The following TRPM3 variants were observed in gnomAD, a reference collection of about 807,000 sequenced individuals.
TRPM3 encodes long transient receptor potential channel 3.
TRPM3 carries 77 observed loss-of-function variants against 181.2 expected under a neutral mutation model. The ratio of observed to expected loss-of-function variants is 0.42; its 90% confidence interval spans 0.35 to 0.51. TRPM3 has a LOEUF of 0.51. Ranked by LOEUF, TRPM3 falls within the 20% of genes least tolerant of loss-of-function variation. The probability of loss-of-function intolerance (pLI) is 0.01; values close to 1 mark genes in which losing one functional copy is unlikely to be tolerated. For synonymous variants in TRPM3, 745 were observed against 796.4 expected (o/e 0.94, Z 1.09); for missense variants, 1,759 against 2,196.7 (o/e 0.80, Z 3.98).
intron 1 of TRPM3, among the ~76,000 whole-genome samples, chr9:71,087,809 G>A (rs567240372): frequency 6.6e-6 from 1 of 151,996 alleles, no homozygotes; most frequent in Non-Finnish European, 1.5e-5. Context: ...AACTAATAAC[G>A]GACTTCAGCA....
At chr9:71,016,815 C>G (rs1226509837) in intron 1 of TRPM3, among the ~76,000 whole-genome samples, 1 of 152,072 alleles carries the variant, frequency 6.6e-6, no homozygotes, top group African/African-American at 2.4e-5. Context: ...TTGAGGAACA[C>G]GTTCTGTTTT....
intron 1 of TRPM3, among the ~76,000 whole-genome samples, chr9:71,082,119 T>G (rs1252538754): frequency 7.1e-6 from 1 of 141,428 alleles, no homozygotes; most frequent in Non-Finnish European, 1.6e-5. Flanking sequence ...TTTAGTTAAG[T>G]GTGTGTTCAG....
At chr9:71,148,209 C>A (rs887082169) in intron 1 of TRPM3, among the ~76,000 whole-genome samples, 1 of 152,024 alleles carries the variant, frequency 6.6e-6, no homozygotes, top group East Asian at 1.9e-4. Flanking sequence ...AAAAAATATT[C>A]ACATAACAAA....
chr9:70,781,348 A>AAAAAAAAAAAAAAAAAAAAAAAC (rs2082418013), intron 7 of TRPM3, among the ~76,000 whole-genome samples: 1 of 136,340 alleles, frequency 7.3e-6, no homozygotes, highest in African/African-American at 2.7e-5. Flanking sequence ...AAAAAAAAAA[A>AAAAAAAAAAAAAAAAAAAAAAAC]AGAAAACATG....
intron 9 of TRPM3, among the ~76,000 whole-genome samples, chr9:70,656,384 C>A (rs982365021): frequency 6.6e-6 from 1 of 152,164 alleles, no homozygotes; most frequent in African/African-American, 2.4e-5. Flanking sequence ...TGGCTTTAGG[C>A]GGTCTAGTCC....
At chr9:70,597,158 C>T (rs893431866) in intron 21 of TRPM3, among the ~76,000 whole-genome samples, 21 of 152,200 alleles carry the variant, frequency 1.4e-4, no homozygotes, top group East Asian at 3.9e-4. Flanking sequence ...GTCTCGAACT[C>T]CCGACCTCAG....
At chr9:70,812,673 T>C (rs2092237045) in intron 6 of TRPM3, among the ~76,000 whole-genome samples, 1 of 152,218 alleles carries the variant, frequency 6.6e-6, no homozygotes, top group Non-Finnish European at 1.5e-5. Flanking sequence ...CCTGGAAATT[T>C]AGCACAAGCA....
intron 1 of TRPM3, among the ~76,000 whole-genome samples, chr9:70,990,567 T>C (rs1338488368): frequency 6.6e-6 from 1 of 152,172 alleles, no homozygotes; most frequent in African/African-American, 2.4e-5. Context: ...GGGTTTGAAA[T>C]GTTTGCATTA....
At chr9:71,381,840 C>A (rs751855839) in intron 1 of TRPM3, among the ~76,000 whole-genome samples, 3 of 152,002 alleles carry the variant, frequency 2.0e-5, no homozygotes, top group East Asian at 3.9e-4. Flanking sequence ...CCAGGTTTCT[C>A]ATCTTTCTTA....
chr9:70,562,637 G>A (rs2049413429), intron 22 of TRPM3, among the ~76,000 whole-genome samples: 2 of 136,320 alleles, frequency 1.5e-5, no homozygotes, highest in African/African-American at 2.6e-5. Flanking sequence ...GGTATGGGGG[G>A]AAGAGCGTCC....
In TRPM3 at chr9:70,549,647, T is replaced by G. The variant is rs1221833859; in HGVS notation, c.3602A>C (p.Lys1201Thr). The G allele has an allele frequency of 6.2e-7, 1 of 1,611,018 alleles. No homozygotes were observed. Among genetic ancestry groups the G allele is most frequent in the Non-Finnish European group, 8.5e-7 (1 of 1,179,746 alleles). ...LKLFITDDEL[K>T]KVHDFEEQCI... Reference sequence around the variant, plus strand: ...TTGCTCTTCAAAGTCATGTACTTTCTTGAGCTCATCATCGGTTATGAAGAG... The same window carrying G: ...TTGCTCTTCAAAGTCATGTACTTTCGTGAGCTCATCATCGGTTATGAAGAG... Residue 1201 changes from lysine to threonine, a missense_variant, in exon 25 of 26, where the codon AAG becomes ACG. By Grantham distance (78) the Lys-to-Thr change is moderately conservative. Around this residue, in one of 8 missense-constraint regions of TRPM3, gnomAD observed 96 missense variants for 129.6 expected, o/e 0.74. Coordinates refer to ENST00000677713, the MANE Select transcript of TRPM3 (RefSeq NM_001366145.2).
chr9:70,787,682 G>A (rs1203605932), intron 6 of TRPM3, among the ~76,000 whole-genome samples: 2 of 150,566 alleles, frequency 1.3e-5, no homozygotes, highest in African/African-American at 4.9e-5. Context: ...TGAAAGCTAG[G>A]GACCCTTTCT....
intron 1 of TRPM3, among the ~76,000 whole-genome samples, chr9:71,416,936 T>C (rs1024270371): frequency 2.6e-5 from 4 of 152,026 alleles, no homozygotes; most frequent in Admixed American, 2.0e-4. Context: ...ATATGTACTA[T>C]TCTGTGTCTG....
At chr9:71,068,707 C>T (rs2062278589) in intron 1 of TRPM3, among the ~76,000 whole-genome samples, 1 of 152,174 alleles carries the variant, frequency 6.6e-6, no homozygotes, top group African/African-American at 2.4e-5. Flanking sequence ...TGACTGACTC[C>T]AAGCATACTA....
At chr9:71,368,774 CTTTT>C (rs1298678197) in intron 1 of TRPM3, among the ~76,000 whole-genome samples, 1 of 152,154 alleles carries the variant, frequency 6.6e-6, no homozygotes, top group Non-Finnish European at 1.5e-5. Context: ...AAAACGAAAT[CTTTT>C]TGATTCACAA....
rs750253077 is a variant in TRPM3, at chr9:70,590,956, T to C, written c.3223+75A>G. On this transcript the variant is annotated intron_variant, in intron 22 of 25. Transcript: ENST00000677713. ...GAGCCATTTATTGAGAACAAACAAA[T>C]GAACTTGGAAAAGACATAACCGAAT... is the stretch of plus-strand genomic sequence containing the variant. 1.9e-6 allele frequency: 3 copies of C among 1,592,898 alleles called. No homozygotes were observed. In the South Asian group the frequency reaches 3.3e-5, roughly 18 times the overall value.
intron 1 of TRPM3, among the ~76,000 whole-genome samples, chr9:71,299,602 TA>T: frequency 6.6e-6 from 1 of 152,184 alleles, no homozygotes; most frequent in East Asian, 1.9e-4. Context: ...TAATGGAAAC[TA>T]TTCTAATTTG....
intron 1 of TRPM3, among the ~76,000 whole-genome samples, chr9:71,370,251 C>A (rs1466244083): frequency 6.6e-6 from 1 of 152,192 alleles, no homozygotes; most frequent in Admixed American, 6.5e-5. Context: ...AGTCTCACAT[C>A]TCTCACTTTA....
chr9:71,352,826 G>T (rs1481422970), intron 1 of TRPM3, among the ~76,000 whole-genome samples: 1 of 152,110 alleles, frequency 6.6e-6, no homozygotes, highest in Admixed American at 6.5e-5. Flanking sequence ...AGAGTGGGAA[G>T]CTCCCTTGGA....
Sources: gnomAD v4.1 joint callset for allele counts (sites outside exome capture counted in the v4.1 genomes callset) on GRCh38, gnomAD v4.1.1 for gene constraint, gnomAD v4.1.1 regional missense constraint, MANE v1.5 for transcripts, NCBI Gene and HGNC (gene_info 2026-07-23, HGNC 2026-07-21) for gene names.